Variants in CCDC150 observed in about 807,000 individuals in gnomAD.
The protein encoded by CCDC150 is coiled-coil domain containing 150, also known as coiled-coil domain-containing protein 150.
CCDC150 carries 151 observed loss-of-function variants against 156.5 expected under a neutral mutation model. The ratio of observed to expected loss-of-function variants is 0.97; its 90% CI spans 0.85 to 1.10. CCDC150 has a LOEUF of 1.10. CCDC150 is among the 50% of genes least tolerant of loss of function. The pLI is 0.00. For synonymous variants in CCDC150, 452 were observed against 429.4 expected (o/e 1.05, Z -0.65); for missense variants, 1,312 against 1,268.1 (o/e 1.03, Z -0.53).
At chr2:196,656,154 G>T (rs1481371234) in intron 2 of CCDC150, among the ~76,000 whole-genome samples, 1 of 152,158 alleles carries the variant, frequency 6.6e-6, no homozygotes, top group Non-Finnish European at 1.5e-5. Flanking sequence ...ACTTGTGTAT[G>T]CCTCTAATCC....
At chr2:196,650,487 G>A (rs1406638309) in intron 2 of CCDC150, among the ~76,000 whole-genome samples, 2 of 152,130 alleles carry the variant, frequency 1.3e-5, no homozygotes, top group South Asian at 2.1e-4. Flanking sequence ...TCTGCCTCCC[G>A]GGTTCAAGTG....
intron 6 of CCDC150, 143 bp from the exon 7 acceptor site, chr2:196,666,576 G>A: frequency 1.4e-6 from 1 of 711,934 alleles, no homozygotes; most frequent in South Asian, 2.0e-5. Context: ...GCATTCTGTT[G>A]AGATTTTAAC....
At chr2:196,660,405 A>G (rs1274423910) in intron 5 of CCDC150, among the ~76,000 whole-genome samples, 1 of 152,176 alleles carries the variant, frequency 6.6e-6, no homozygotes, top group African/African-American at 2.4e-5. Flanking sequence ...GTCTTGCAGA[A>G]TGACTGTATC....
At position 196,685,594 on chromosome 2, in the gene CCDC150, G is replaced by A. The variant is rs891744568; in HGVS notation, c.1509+8233G>A. ...TTTGCTGAATTTAGAATTCATGGTT[G>A]AATGTTTTTCTTTTTCTTTTCTTTT... is the stretch of plus-strand genomic sequence containing the variant. On this transcript the variant is annotated intron_variant, in intron 13 of 27. Coordinates refer to ENST00000389175, the MANE Select transcript of CCDC150 (RefSeq NM_001080539.2). Among the ~76,000 whole-genome samples, 12 of 151,778 alleles carry A rather than the reference G, an allele frequency of 7.9e-5. No homozygotes were observed. In the East Asian group the frequency reaches 2.1e-3, roughly 27 times the overall value.
At chr2:196,668,260 G>T (rs112392571) in intron 7 of CCDC150, among the ~76,000 whole-genome samples, 168 of 133,898 alleles carry the variant, frequency 1.3e-3, no homozygotes, top group African/African-American at 4.5e-3. Flanking sequence ...TCGTGCCATT[G>T]CACTCCAGCC....
In CCDC150 at chr2:196,643,230, A is replaced by G. The variant is rs555849226; in HGVS notation, c.13-3111A>G. ...ATCAATCAGTGTCCGAGTCACCTCA[A>G]TCTCCCCCTTCTTAGGGTGAATTTT... On this transcript the variant is annotated intron_variant, in intron 1 of 27. Transcript: ENST00000389175. Among the ~76,000 whole-genome samples, 59 of 152,254 alleles carry G rather than the reference A, an allele frequency of 3.9e-4. No homozygotes were observed. The South Asian group carries it at 0.011, about 27-fold the overall frequency.
At chr2:196,698,088 C>T (rs919062819) in intron 14 of CCDC150, among the ~76,000 whole-genome samples, 18 of 152,244 alleles carry the variant, frequency 1.2e-4, no homozygotes, top group Middle Eastern at 3.4e-3. Flanking sequence ...AATTTCAGTT[C>T]ACTCTTCTGT....
At chr2:196,646,939 T>G (rs910304027) in intron 2 of CCDC150, among the ~76,000 whole-genome samples, 1 of 152,166 alleles carries the variant, frequency 6.6e-6, no homozygotes, top group Non-Finnish European at 1.5e-5. Context: ...TTAAAAATTT[T>G]ATAATTTAGA....
chr2:196,678,886 G>A (rs1465493768), intron 13 of CCDC150, among the ~76,000 whole-genome samples: 1 of 152,154 alleles, frequency 6.6e-6, no homozygotes, highest in Non-Finnish European at 1.5e-5. Flanking sequence ...GTGACAGAGT[G>A]AGACTCTGTC....
chr2:196,650,342 CA>C (rs1172009516), intron 2 of CCDC150, among the ~76,000 whole-genome samples: 54 of 152,180 alleles, frequency 3.5e-4, no homozygotes, highest in Non-Finnish European at 2.1e-4. Context: ...GGATGAATCT[CA>C]CTTGATCATG....
chr2:196,689,147 G>A (rs1407292692), intron 13 of CCDC150, among the ~76,000 whole-genome samples: 1 of 152,134 alleles, frequency 6.6e-6, no homozygotes, highest in Non-Finnish European at 1.5e-5. Context: ...GGTTACTGTA[G>A]CCTTGTAGTA....
chr2:196,710,026 A>T (rs1423050772), intron 15 of CCDC150, among the ~76,000 whole-genome samples: 1 of 152,240 alleles, frequency 6.6e-6, no homozygotes, highest in Non-Finnish European at 1.5e-5. Context: ...GTGCTGCGAG[A>T]ACCACTGCTC....
chr2:196,723,832 G>A (rs986457045), intron 21 of CCDC150, among the ~76,000 whole-genome samples: 1 of 152,212 alleles, frequency 6.6e-6, no homozygotes, highest in Non-Finnish European at 1.5e-5. Context: ...CAAAGAGTAA[G>A]TGATTGATGA....
intron 14 of CCDC150, among the ~76,000 whole-genome samples, chr2:196,698,206 T>G (rs1487996030): frequency 6.6e-6 from 1 of 152,192 alleles, no homozygotes; most frequent in African/African-American, 2.4e-5. Flanking sequence ...TTTAAGTAAC[T>G]GCCTTAACAT....
intron 2 of CCDC150, among the ~76,000 whole-genome samples, chr2:196,649,445 A>G (rs1692744801): frequency 6.6e-6 from 1 of 152,192 alleles, no homozygotes; most frequent in Non-Finnish European, 1.5e-5. Context: ...ATGTTTAGAT[A>G]TACAAATACC....
At chr2:196,684,147 T>A (rs546477016) in intron 13 of CCDC150, among the ~76,000 whole-genome samples, 39 of 152,208 alleles carry the variant, frequency 2.6e-4, no homozygotes, top group African/African-American at 9.4e-4. Flanking sequence ...CTATTCTGGT[T>A]CAGGGGAGTG....
At chr2:196,709,130 T>C (rs1301527472) in intron 15 of CCDC150, among the ~76,000 whole-genome samples, 1 of 152,236 alleles carries the variant, frequency 6.6e-6, no homozygotes, top group African/African-American at 2.4e-5. Context: ...CCTGTCACTT[T>C]CAGGTACACC....
chr2:196,665,133 G>A (rs556772637), intron 5 of CCDC150, among the ~76,000 whole-genome samples: 79 of 152,224 alleles, frequency 5.2e-4, no homozygotes, highest in African/African-American at 1.8e-3. Context: ...TAAGATACTA[G>A]TGTTTTTCAA....
At position 196,659,098 on chromosome 2, in the gene CCDC150, C is replaced by T. The variant is rs77870358; in HGVS notation, c.645+238C>T. Reference sequence around the variant, plus strand: ...AAATAAAAAATAAATGCTTTGTGAACCAGGAAGGAATAGTTACCACTCGTG... The same window carrying T: ...AAATAAAAAATAAATGCTTTGTGAATCAGGAAGGAATAGTTACCACTCGTG... On this transcript the variant is annotated intron_variant, in intron 5 of 27. Coordinates refer to ENST00000389175, the MANE Select transcript of CCDC150 (RefSeq NM_001080539.2). 1.5e-4 allele frequency among the ~76,000 whole-genome samples: 23 copies of T among 152,214 alleles called. No individual in the cohort carries two copies. The East Asian group carries it at 3.9e-3, about 26-fold the overall frequency.
Sources: gnomAD v4.1 joint callset for allele counts (sites outside exome capture counted in the v4.1 genomes callset) on GRCh38, gnomAD v4.1.1 for gene constraint, MANE v1.5 for transcripts, NCBI Gene and HGNC (gene_info 2026-07-23, HGNC 2026-07-21) for gene names.